Variants in CNGB1 observed in about 807,000 individuals in gnomAD.
CNGB1 encodes cyclic nucleotide-gated channel beta-1.
CNGB1 carries 126 observed loss-of-function variants against 151.7 expected under a neutral mutation model. The observed-to-expected ratio is 0.83, with a 90% CI of 0.72 to 0.96. The LOEUF is 0.96. Ranked by LOEUF, CNGB1 falls within the 40% of genes least tolerant of loss-of-function variation. CNGB1 has a pLI of 0.00. For synonymous variants in CNGB1, 623 were observed against 635.1 expected (o/e 0.98, Z 0.29); for missense variants, 1,698 against 1,627.0 (o/e 1.04, Z -0.75).
chr16:57,965,202 GAC>G (rs1370117261), intron 2 of CNGB1, among the ~76,000 whole-genome samples: 1 of 146,868 alleles, frequency 6.8e-6, no homozygotes, highest in African/African-American at 2.6e-5. Flanking sequence ...TGTATACAAT[GAC>G]ACACAAATAC....
intron 4 of CNGB1, 88 bp downstream of exon 4, chr16:57,964,042 A>C: frequency 7.8e-7 from 1 of 1,275,338 alleles, no homozygotes; most frequent in Non-Finnish European, 1.1e-6. Flanking sequence ...GGCAGTGCCC[A>C]TCCCCACCCC....
In CNGB1 at chr16:57,940,371, TA is replaced by T. The variant is rs371679133; in HGVS notation, c.1122-51del. 7.3e-4 allele frequency: 1,119 copies of T among 1,536,350 alleles called. 6 individuals carry two copies. The African/African-American group carries it at 0.012, about 17-fold the overall frequency. On this transcript the variant is annotated intron_variant, in intron 14 of 32. Coordinates refer to ENST00000251102, the MANE Select transcript of CNGB1 (RefSeq NM_001297.5). ...GGATAAAAGGACTGGGTTAGGGTGT[TA>T]AAGGTTTCCCCAGCCCTGCTGAGGG...
At chr16:57,904,968 T>C (rs1960506535) in intron 25 of CNGB1, 93 bp from the exon 26 acceptor site, 1 of 1,514,798 alleles carries the variant, frequency 6.6e-7, no homozygotes, top group Non-Finnish European at 9.2e-7. Flanking sequence ...TAGATGCATG[T>C]TGTGCAAAAG....
chr16:57,903,435 T>G (rs1960444249), intron 27 of CNGB1, among the ~76,000 whole-genome samples: 1 of 151,918 alleles, frequency 6.6e-6, no homozygotes, highest in African/African-American at 2.4e-5. Flanking sequence ...GAGGTTGCAG[T>G]GAGCCAAGAT....
chr16:57,917,419 C>A lies in CNGB1; in HGVS notation c.2015G>T (p.Trp672Leu). Reference sequence around the variant, plus strand: ...GAAGGCCCAGCGCACGGGAATCAGCCAACAGTTCCAATTCCAGGCCATCAC... The same window carrying A: ...GAAGGCCCAGCGCACGGGAATCAGCAAACAGTTCCAATTCCAGGCCATCAC... ...FVVMAWNWNC[W>L]LIPVRWAFPY... The change falls in exon 21 of 33, where the codon TGG (tryptophan) becomes TTG (leucine). Residue 672 changes from tryptophan (W) to leucine (L), a missense_variant. Trp to Leu is a moderately conservative substitution (Grantham distance 61). Coordinates refer to ENST00000251102, the MANE Select transcript of CNGB1 (RefSeq NM_001297.5). 1 of 1,614,050 alleles carries A rather than the reference C, an allele frequency of 6.2e-7. No individual in the cohort carries two copies. Among genetic ancestry groups the A allele is most frequent in the Non-Finnish European group, 8.5e-7 (1 of 1,180,018 alleles).
intron 17 of CNGB1, among the ~76,000 whole-genome samples, chr16:57,929,410 A>C (rs1961279704): frequency 6.6e-6 from 1 of 151,614 alleles, no homozygotes; most frequent in Non-Finnish European, 1.5e-5. Flanking sequence ...GCAAAGGGGA[A>C]GCAAGGCACA....
intron 31 of CNGB1, among the ~76,000 whole-genome samples, chr16:57,893,402 A>G (rs1326751619): frequency 6.6e-6 from 1 of 152,144 alleles, no homozygotes; most frequent in African/African-American, 2.4e-5. Flanking sequence ...GATTACAATC[A>G]TGCAGCATTG....
At chr16:57,927,760 C>CAGCCT (rs879930320) in intron 17 of CNGB1, among the ~76,000 whole-genome samples, 1 of 152,220 alleles carries the variant, frequency 6.6e-6, no homozygotes, top group Non-Finnish European at 1.5e-5. Context: ...CTACCCAGCC[C>CAGCCT]AGCCTTCATT....
chr16:57,901,306 G>C, intron 29 of CNGB1, 46 bp downstream of exon 29: 1 of 1,585,874 alleles, frequency 6.3e-7, no homozygotes, highest in Non-Finnish European at 8.7e-7. Context: ...GAAAGCCAGG[G>C]GGATGGTGAA....
intron 21 of CNGB1, 57 bp from the exon 22 acceptor site, chr16:57,916,236 G>T: frequency 6.5e-7 from 1 of 1,539,008 alleles, no homozygotes; most frequent in Non-Finnish European, 9.0e-7. Flanking sequence ...CTCTGACCCT[G>T]TGGAGCAATT....
At chr16:57,929,249 G>A (rs922391763) in intron 17 of CNGB1, among the ~76,000 whole-genome samples, 2 of 152,124 alleles carry the variant, frequency 1.3e-5, no homozygotes, top group Non-Finnish European at 2.9e-5. Context: ...AAAGCTACTC[G>A]ACATCACTAA....
intron 23 of CNGB1, among the ~76,000 whole-genome samples, chr16:57,914,535 G>C (rs1036496589): frequency 7.5e-4 from 114 of 152,172 alleles, no homozygotes; most frequent in African/African-American, 2.6e-3. Context: ...TCAGAAAAAG[G>C]CACCAGTCTT....
At chr16:57,891,847 G>A (rs1960100164) in intron 31 of CNGB1, among the ~76,000 whole-genome samples, 1 of 152,146 alleles carries the variant, frequency 6.6e-6, no homozygotes, top group Admixed American at 6.5e-5. Flanking sequence ...ATGAGCCACT[G>A]TGCCGGCTAA....
At chr16:57,919,066 A>T in intron 20 of CNGB1, 33 bp downstream of exon 20, 1 of 1,613,970 alleles carries the variant, frequency 6.2e-7, no homozygotes. Flanking sequence ...CTCTCATCTT[A>T]CACAGTGGGA....
At chr16:57,931,478 A>C (rs1596989718) in intron 17 of CNGB1, among the ~76,000 whole-genome samples, 1 of 152,162 alleles carries the variant, frequency 6.6e-6, no homozygotes, top group South Asian at 2.1e-4. Flanking sequence ...TTATTATATT[A>C]CTCCTTCTAA....
intron 24 of CNGB1, 141 bp downstream of exon 24, chr16:57,912,789 A>G: frequency 2.5e-6 from 2 of 796,556 alleles, no homozygotes; most frequent in Non-Finnish European, 4.1e-6. Flanking sequence ...GTGTGCATGT[A>G]TGTGTGTATG....
chr16:57,905,096 A>G (rs974338457), intron 25 of CNGB1, among the ~76,000 whole-genome samples: 7 of 152,232 alleles, frequency 4.6e-5, no homozygotes, highest in African/African-American at 1.4e-4. Context: ...GTCTCTAGGG[A>G]CATGTTGCCA....
At chr16:57,929,356 G>T (rs1417517081) in intron 17 of CNGB1, among the ~76,000 whole-genome samples, 3 of 151,986 alleles carry the variant, frequency 2.0e-5, no homozygotes, top group African/African-American at 7.3e-5. Flanking sequence ...TCACAGTTCC[G>T]CGTGGCTGGG....
At chr16:57,962,901 C>T (rs535320152) in intron 5 of CNGB1, 29 bp from the exon 6 acceptor site, 14 of 1,612,238 alleles carry the variant, frequency 8.7e-6, no homozygotes, top group South Asian at 4.4e-5. Context: ...CAGACATGGG[C>T]AGGGAGCCCA....
Sources: gnomAD v4.1 joint callset for allele counts (sites outside exome capture counted in the v4.1 genomes callset) on GRCh38, gnomAD v4.1.1 for gene constraint, MANE v1.5 for transcripts, NCBI Gene and HGNC (gene_info 2026-07-23, HGNC 2026-07-21) for gene names.